The following B3GALT1 variants were observed in gnomAD, a reference collection of about 807,000 sequenced individuals.
The protein encoded by B3GALT1 is UDP-Gal:betaGlcNAc beta 1,3-galactosyltransferase, polypeptide 1.
In B3GALT1, 10 loss-of-function variants were observed where a neutral mutation model predicts 23.2. That is an observed-to-expected ratio of 0.43 (90% CI 0.27 to 0.73). The LOEUF (loss-of-function observed/expected upper bound fraction) is 0.73, where lower values mean the gene tolerates loss of function less well. Among genes scored for constraint, B3GALT1 ranks in the 30% least tolerant of loss-of-function variants. The pLI is 0.21. For missense variants in B3GALT1, 299 were observed against 405.4 expected (o/e 0.74, Z 2.25); for synonymous variants, 156 against 141.5 (o/e 1.10, Z -0.73).
intron 3 of B3GALT1, among the ~76,000 whole-genome samples, chr2:167,789,682 C>G (rs1331779369): frequency 6.6e-6 from 1 of 152,112 alleles, no homozygotes; most frequent in Non-Finnish European, 1.5e-5. Context: ...AGGCACTTTC[C>G]TTTAGTACAT....
chr2:167,405,727 C>T (rs559264558), intron 1 of B3GALT1, among the ~76,000 whole-genome samples: 4 of 152,126 alleles, frequency 2.6e-5, no homozygotes, highest in African/African-American at 9.6e-5. Context: ...AAATATAGTA[C>T]ATGGTTTTAT....
chr2:167,627,895 T>C (rs2105444562), intron 2 of B3GALT1, among the ~76,000 whole-genome samples: 2 of 151,806 alleles, frequency 1.3e-5, no homozygotes, highest in Non-Finnish European at 3.0e-5. Flanking sequence ...TGACACATGC[T>C]AATAGGTGTG....
At chr2:167,442,483 A>C (rs573819228) in intron 1 of B3GALT1, among the ~76,000 whole-genome samples, 19 of 151,896 alleles carry the variant, frequency 1.3e-4, no homozygotes, top group South Asian at 6.3e-4. Flanking sequence ...GAACTAGTTT[A>C]CAGTCCCACC....
At chr2:167,721,493 T>C (rs767047390) in intron 3 of B3GALT1, among the ~76,000 whole-genome samples, 2 of 152,124 alleles carry the variant, frequency 1.3e-5, no homozygotes, top group Non-Finnish European at 2.9e-5. Flanking sequence ...AGATGTATCT[T>C]AAGAGAGGTA....
chr2:167,625,975 A>ATATATG (rs1685335059), intron 2 of B3GALT1, among the ~76,000 whole-genome samples: 1 of 123,162 alleles, frequency 8.1e-6, no homozygotes, highest in Non-Finnish European at 1.7e-5. Context: ...ATATATATAT[A>ATATATG]TATATATATA....
intron 3 of B3GALT1, among the ~76,000 whole-genome samples, chr2:167,762,100 C>A (rs991863577): frequency 6.6e-6 from 1 of 152,086 alleles, no homozygotes; most frequent in African/African-American, 2.4e-5. Flanking sequence ...GGGAAAGGTA[C>A]ATAAAATATA....
intron 3 of B3GALT1, among the ~76,000 whole-genome samples, chr2:167,742,201 A>C (rs1401082343): frequency 6.6e-6 from 1 of 152,186 alleles, no homozygotes; most frequent in Non-Finnish European, 1.5e-5. Flanking sequence ...TACTTGCTTT[A>C]AGATTGCTTT....
chr2:167,409,075 A>C (rs1178604043), intron 1 of B3GALT1, among the ~76,000 whole-genome samples: 1 of 152,226 alleles, frequency 6.6e-6, no homozygotes, highest in Admixed American at 6.5e-5. Context: ...AACAATCTTG[A>C]GCAAAAAGAC....
intron 2 of B3GALT1, among the ~76,000 whole-genome samples, chr2:167,494,478 A>G (rs1699750993): frequency 6.6e-6 from 1 of 152,134 alleles, no homozygotes; most frequent in Admixed American, 6.5e-5. Context: ...AAAATATGAC[A>G]ACACGTAAGA....
intron 1 of B3GALT1, among the ~76,000 whole-genome samples, chr2:167,457,865 C>T (rs768163865): frequency 1.3e-5 from 2 of 152,142 alleles, no homozygotes; most frequent in African/African-American, 2.4e-5. Context: ...ATTAGAAACT[C>T]TTGGGGTGCT....
At chr2:167,832,112 T>C (rs192668430) in intron 4 of B3GALT1, among the ~76,000 whole-genome samples, 1 of 152,296 alleles carries the variant, frequency 6.6e-6, no homozygotes, top group Admixed American at 6.5e-5. Context: ...TGACTATAGA[T>C]TGTGGCTGAC....
intron 2 of B3GALT1, among the ~76,000 whole-genome samples, chr2:167,571,713 A>G (rs140770862): frequency 6.1e-4 from 93 of 152,034 alleles, no homozygotes; most frequent in African/African-American, 2.0e-3. Context: ...CTAGTAAGCC[A>G]TAAGAATTAT....
chr2:167,798,264 G>T (rs1688576915), intron 3 of B3GALT1, among the ~76,000 whole-genome samples: 1 of 152,090 alleles, frequency 6.6e-6, no homozygotes, highest in Non-Finnish European at 1.5e-5. Flanking sequence ...AGTTTCTTTT[G>T]CTGTGAAGAA....
intron 1 of B3GALT1, among the ~76,000 whole-genome samples, chr2:167,482,529 A>G (rs1443092722): frequency 6.6e-6 from 1 of 152,204 alleles, no homozygotes; most frequent in Non-Finnish European, 1.5e-5. Flanking sequence ...TACAATATAT[A>G]CCGTGTCTTT....
At chr2:167,687,956 A>G (rs999464630) in intron 3 of B3GALT1, among the ~76,000 whole-genome samples, 1 of 152,210 alleles carries the variant, frequency 6.6e-6, no homozygotes, top group Admixed American at 6.5e-5. Flanking sequence ...TATTCATTAA[A>G]AATCCCAGCT....
intron 1 of B3GALT1, among the ~76,000 whole-genome samples, chr2:167,323,254 A>G (rs1448214497): frequency 1.3e-5 from 2 of 152,066 alleles, no homozygotes; most frequent in Admixed American, 6.6e-5. Context: ...GTGTGAGTAT[A>G]TACGATGTGG....
chr2:167,597,686 AC>A (rs1158550594), intron 2 of B3GALT1, among the ~76,000 whole-genome samples: 4 of 152,082 alleles, frequency 2.6e-5, no homozygotes, highest in Non-Finnish European at 4.4e-5. Flanking sequence ...TTTGAAGCAA[AC>A]CCCTAGGGTT....
chr2:167,731,922 A>G (rs546992942), intron 3 of B3GALT1, among the ~76,000 whole-genome samples: 1 of 152,092 alleles, frequency 6.6e-6, no homozygotes, highest in South Asian at 2.1e-4. Flanking sequence ...CCATTCCTCA[A>G]CCCTTAGAAC....
At chr2:167,755,643 C>G (rs576837479) in intron 3 of B3GALT1, among the ~76,000 whole-genome samples, 1 of 151,548 alleles carries the variant, frequency 6.6e-6, no homozygotes, top group African/African-American at 2.4e-5. Context: ...GCTGAGAGTC[C>G]CCTAACCTTC....
Sources: allele counts gnomAD v4.1 joint callset (sites outside exome capture counted in the v4.1 genomes callset), GRCh38; gene constraint gnomAD v4.1.1; transcripts MANE v1.5; gene names NCBI Gene and HGNC (gene_info 2026-07-23, HGNC 2026-07-21).